Variants in DNAH3 observed in about 807,000 individuals in gnomAD.
DNAH3 encodes the protein dynein axonemal heavy chain 3.
DNAH3 carries 332 observed loss-of-function variants against 432.5 expected under a neutral mutation model. That is an observed-to-expected ratio of 0.77 (90% CI 0.70 to 0.84). DNAH3 has a LOEUF of 0.84. Ranked by LOEUF, DNAH3 falls within the 40% of genes least tolerant of loss-of-function variation. DNAH3 has a pLI of 0.00. For synonymous variants in DNAH3, 1,956 were observed against 1,900.2 expected (o/e 1.03, Z -0.76); for missense variants, 4,861 against 5,114.0 (o/e 0.95, Z 1.51).
intron 41 of DNAH3, among the ~76,000 whole-genome samples, chr16:21,009,291 T>C (rs146199608): frequency 1.3e-5 from 2 of 152,240 alleles, no homozygotes; most frequent in East Asian, 3.9e-4. Flanking sequence ...TAAGAAACAA[T>C]GATAGATAAA....
intron 44 of DNAH3, 133 bp downstream of exon 44, chr16:20,997,150 C>T: frequency 1.3e-6 from 1 of 765,860 alleles, no homozygotes; most frequent in Non-Finnish European, 2.1e-6. Context: ...GTAGCCTACA[C>T]ATGCTTCTGC....
At position 21,096,330 on chromosome 16, in the gene DNAH3, C is replaced by T. The variant is rs181782396; in HGVS notation, c.2665+1025G>A. 1.8e-3 allele frequency among the ~76,000 whole-genome samples: 277 copies of T among 152,026 alleles called. 1 individual carries two copies. Among genetic ancestry groups the T allele is most frequent in the African/African-American group, 6.3e-3 (262 of 41,462 alleles). On this transcript the variant is annotated intron_variant, in intron 18 of 61. Transcript: ENST00000261383. Reference sequence around the variant, plus strand: ...ATTTTTTGTAGAGACAGGGTTCTCACTATGTTACTGAGGCTGGTCTCGAAC... The same window carrying T: ...ATTTTTTGTAGAGACAGGGTTCTCATTATGTTACTGAGGCTGGTCTCGAAC...
At chr16:20,974,185 A>G (rs920398986) in intron 51 of DNAH3, among the ~76,000 whole-genome samples, 4 of 151,410 alleles carry the variant, frequency 2.6e-5, no homozygotes, top group African/African-American at 7.3e-5. Context: ...ACAGCTGGCT[A>G]ATTTTTTTTT....
chr16:20,963,327 C>T (rs755021627), exon 53 of DNAH3: 15 of 1,614,036 alleles, frequency 9.3e-6, no homozygotes, highest in Admixed American at 5.0e-5. Flanking sequence ...AAATCAAAGG[C>T]GCACAGCAGC....
In DNAH3 at chr16:21,097,401, C is replaced by T. The variant is rs1041535654; in HGVS notation, c.2619G>A (p.Trp873Ter). 83 of 1,614,044 alleles carry T rather than the reference C, an allele frequency of 5.1e-5. No homozygotes were observed. Among genetic ancestry groups the T allele is most frequent in the Non-Finnish European group, 6.9e-5 (82 of 1,179,962 alleles). Residue 873 changes from tryptophan (W) to a stop codon, truncating the protein, a stop_gained, in exon 18 of 62, where the codon TGG becomes TGA. Coordinates refer to ENST00000261383, the Ensembl canonical transcript of DNAH3. LOFTEE classifies it high-confidence loss of function. ...TGATGCTGAACTCATAGGCTGTCGA[C>T]CACAGCTGCTCATAAGGTACTTTGT...
chr16:21,146,526 T>C (rs1008645490), intron 1 of DNAH3, among the ~76,000 whole-genome samples: 8 of 152,162 alleles, frequency 5.3e-5, no homozygotes, highest in African/African-American at 1.7e-4. Context: ...CTGAGATGTA[T>C]TGAAGTGTAT....
chr16:21,140,530 A>ACGTAC lies in DNAH3; in HGVS notation c.696+1_696+5dup, dbSNP rs760006555. Reference sequence around the variant, plus strand: ...AACCGAGGGAAAGGGGGCAACAGGAACGTACCTCCAGGTCCGATTCAGATG... The same window carrying ACGTAC: ...AACCGAGGGAAAGGGGGCAACAGGAACGTACCGTACCTCCAGGTCCGATTCAGATG... On this transcript the variant is annotated splice_donor_region_variant and intron_variant, in intron 5 of 61. Coordinates refer to ENST00000261383, the Ensembl canonical transcript of DNAH3. 1 of 1,612,654 alleles carries ACGTAC rather than the reference A, an allele frequency of 6.2e-7. No homozygotes were observed. The highest frequency in any genetic ancestry group is 1.3e-5 in the African/African-American group (1 of 74,884).
At chr16:21,145,017 C>T (rs767091278) in intron 3 of DNAH3, among the ~76,000 whole-genome samples, 164 bp downstream of exon 4, 2 of 152,146 alleles carry the variant, frequency 1.3e-5, no homozygotes, top group Non-Finnish European at 2.9e-5. Context: ...GAGGCTGAGG[C>T]AGGAGAATCA....
chr16:20,948,597 G>A lies in DNAH3; in HGVS notation c.11229C>T (p.Asp3743=), dbSNP rs770771303. The A allele has an allele frequency of 1.9e-6, 3 of 1,614,126 alleles. 1 individual carries two copies. In the South Asian group the frequency reaches 3.3e-5, roughly 18 times the overall value. The change falls in exon 57 of 62, where the codon GAC becomes GAT. Residue 3743 remains aspartate (D), a synonymous_variant. Transcript: ENST00000261383. ...ACAGAAGTGACAGCAGGAGACGCCG[G>A]TCTTTGTCATCAGTCACTCTGCCTC...
intron 52 of DNAH3, among the ~76,000 whole-genome samples, chr16:20,969,092 G>C (rs966732381): frequency 2.1e-4 from 17 of 81,990 alleles, no homozygotes; most frequent in South Asian, 1.2e-3. Context: ...TTCTCTGTGT[G>C]TGTGTGTGTG....
intron 34 of DNAH3, among the ~76,000 whole-genome samples, 182 bp downstream of exon 34, chr16:21,037,579 G>A (rs1597207589): frequency 6.6e-6 from 1 of 152,246 alleles, no homozygotes; most frequent in African/African-American, 2.4e-5. Flanking sequence ...TTAAAAATCA[G>A]GCAGAGATGT....
At chr16:21,088,859 G>C (rs1233613835) in intron 18 of DNAH3, among the ~76,000 whole-genome samples, 1 of 152,152 alleles carries the variant, frequency 6.6e-6, no homozygotes, top group Admixed American at 6.5e-5. Flanking sequence ...ATGATCTTCA[G>C]CCCCATGAAT....
At chr16:21,054,099 C>T (rs961480646) in intron 28 of DNAH3, among the ~76,000 whole-genome samples, 1 of 152,158 alleles carries the variant, frequency 6.6e-6, no homozygotes. Context: ...AGCCTGGCAC[C>T]TAGCAAGCAT....
intron 18 of DNAH3, among the ~76,000 whole-genome samples, chr16:21,091,102 G>A (rs749743773): frequency 3.9e-5 from 6 of 152,030 alleles, no homozygotes; most frequent in Non-Finnish European, 8.8e-5. Context: ...GCAGTGAGCC[G>A]AGGTTACGTC....
At chr16:21,081,579 G>T in intron 20 of DNAH3, 57 bp downstream of exon 20, 2 of 1,405,678 alleles carry the variant, frequency 1.4e-6, no homozygotes. Context: ...AGATCACTGT[G>T]GGAACTTACA....
At chr16:21,037,963 A>C (rs1263548412) in exon 34 of DNAH3, 1 of 1,614,134 alleles carries the variant, frequency 6.2e-7, no homozygotes, top group South Asian at 1.1e-5. Flanking sequence ...GTAGGTCGCA[A>C]CGATCTTCTG....
intron 52 of DNAH3, 106 bp downstream of exon 52, chr16:20,969,686 G>GATCTT: frequency 1.6e-6 from 2 of 1,268,928 alleles, no homozygotes; most frequent in East Asian, 2.3e-5. Context: ...CAAACTCAGT[G>GATCTT]ATCTTGCCTG....
At chr16:21,028,120 A>G (rs149020379) in intron 37 of DNAH3, among the ~76,000 whole-genome samples, 2,420 of 152,212 alleles carry the variant, frequency 0.016, 62 homozygotes, top group African/African-American at 0.056. Context: ...CTGAGTAGCT[A>G]GGATTACAGG....
intron 18 of DNAH3, among the ~76,000 whole-genome samples, chr16:21,093,167 G>A (rs940971996): frequency 6.6e-5 from 10 of 152,212 alleles, no homozygotes; most frequent in East Asian, 5.8e-4. Context: ...AACAGGAAAT[G>A]TCATTTATAT....
Sources: gnomAD v4.1 joint callset for allele counts (sites outside exome capture counted in the v4.1 genomes callset) on GRCh38, gnomAD v4.1.1 for gene constraint, MANE v1.5 for transcripts, NCBI Gene and HGNC (gene_info 2026-07-23, HGNC 2026-07-21) for gene names.